The following DOCK11 variants were observed in gnomAD, a reference collection of about 807,000 sequenced individuals.
The protein encoded by DOCK11 is dedicator of cytokinesis 11, also known as dedicator of cytokinesis protein 11.
A neutral mutation model predicts 169.1 loss-of-function variants in DOCK11; 70 were observed. The observed-to-expected ratio is 0.41, with a 90% CI of 0.34 to 0.51. The LOEUF is 0.51. DOCK11 is among the 20% of genes least tolerant of loss of function. The pLI is 0.10. For synonymous variants in DOCK11, 529 were observed against 541.3 expected (o/e 0.98, Z 0.32); for missense variants, 1,166 against 1,538.8 (o/e 0.76, Z 4.05).
chrX:118,681,176 A>G lies in DOCK11; in HGVS notation c.5790A>G (p.Gln1930=), dbSNP rs2016734444. ...TAAAAGATAAAACTGCAGAGCTGCA[A>G]AAGCTTTGCTCCTCTACTGACGTGG... ...DEIKDKTAEL[Q]KLCSSTDVDM... The change falls in exon 50 of 53, where the codon CAA becomes CAG. Residue 1930 remains glutamine, a synonymous_variant. Coordinates refer to ENST00000276202, the MANE Select transcript of DOCK11 (RefSeq NM_144658.4). 1.7e-6 allele frequency: 2 copies of G among 1,207,709 alleles called. No homozygotes were observed. The highest frequency in any genetic ancestry group is 1.7e-5 in the African/African-American group (1 of 57,400).
Position 118,614,730 on chromosome X carries a change from T to C in DOCK11, c.3135T>C (p.Asn1045=). 8.3e-7 allele frequency: 1 copy of C among 1,198,897 alleles called. No individual in the cohort carries two copies. The highest frequency in any genetic ancestry group is 1.1e-6 in the Non-Finnish European group (1 of 885,893). The change falls in exon 29 of 53, where the codon AAT becomes AAC. Residue 1045 remains asparagine, a synonymous_variant. Coordinates refer to ENST00000276202, the MANE Select transcript of DOCK11 (RefSeq NM_144658.4). The part of the protein sequence containing the change: ...LTLMDRGFIF[N]LINDYISGFS... ...TAATGGATAGAGGATTTATTTTCAATTTAATAAATGACTATATATCTGGAT... is the reference window on the plus strand; with the variant it reads ...TAATGGATAGAGGATTTATTTTCAACTTAATAAATGACTATATATCTGGAT...
chrX:118,540,530 T>C (rs2011951415), intron 1 of DOCK11, among the ~76,000 whole-genome samples: 1 of 112,112 alleles, frequency 8.9e-6, no homozygotes, highest in African/African-American at 3.2e-5. Flanking sequence ...ATCAACTTGC[T>C]TTGATCTTTG....
At chrX:118,534,755 G>A (rs1028179815) in intron 1 of DOCK11, among the ~76,000 whole-genome samples, 1 of 111,985 alleles carries the variant, frequency 8.9e-6, no homozygotes, top group African/African-American at 3.2e-5. Flanking sequence ...CTATTTAGCT[G>A]GTTATCCCTA....
intron 1 of DOCK11, among the ~76,000 whole-genome samples, chrX:118,499,054 T>C (rs537408134): frequency 7.1e-5 from 8 of 112,392 alleles, no homozygotes; most frequent in African/African-American, 9.7e-5. Context: ...AGAATCATCA[T>C]TGACAGATTT....
intron 1 of DOCK11, among the ~76,000 whole-genome samples, chrX:118,521,198 C>T (rs1457140019): frequency 8.9e-6 from 1 of 112,434 alleles, no homozygotes; most frequent in East Asian, 2.8e-4. Context: ...CTGGTGTCCA[C>T]TTCTGAGTTG....
intron 32 of DOCK11, among the ~76,000 whole-genome samples, chrX:118,626,498 C>T (rs2015108431): frequency 2.7e-5 from 3 of 111,867 alleles, no homozygotes; most frequent in Admixed American, 1.9e-4. Flanking sequence ...AACTTCTGCC[C>T]CCATCCATGT....
intron 1 of DOCK11, among the ~76,000 whole-genome samples, chrX:118,529,935 G>A (rs936599752): frequency 1.8e-5 from 2 of 111,771 alleles, no homozygotes; most frequent in Non-Finnish European, 3.8e-5. Flanking sequence ...CAGATCACAA[G>A]GGATCTAATA....
At chrX:118,653,712 C>T (rs2016000883) in intron 42 of DOCK11, among the ~76,000 whole-genome samples, 1 of 111,950 alleles carries the variant, frequency 8.9e-6, no homozygotes, top group South Asian at 3.7e-4. Flanking sequence ...CTGCTCCCGG[C>T]CAAGAAGGCA....
chrX:118,580,397 A>G (rs2013589686), intron 14 of DOCK11, among the ~76,000 whole-genome samples: 1 of 107,040 alleles, frequency 9.3e-6, no homozygotes, highest in African/African-American at 3.4e-5. Flanking sequence ...GCTCACCACA[A>G]CCTCCGCCTC....
chrX:118,583,208 C>T (rs760178268), intron 14 of DOCK11, among the ~76,000 whole-genome samples: 49 of 111,036 alleles, frequency 4.4e-4, no homozygotes, highest in East Asian at 4.0e-3. Flanking sequence ...TGTTCTCACT[C>T]ATAGGTGGGA....
intron 4 of DOCK11, among the ~76,000 whole-genome samples, chrX:118,544,645 C>CTTGTTTTTTTTTTTTT (rs2012173230): frequency 4.3e-5 from 1 of 23,343 alleles, no homozygotes; most frequent in Non-Finnish European, 7.2e-5. Flanking sequence ...TACACTGTTG[C>CTTGTTTTTTTTTTTTT]TTTTTTTTTT....
intron 11 of DOCK11, among the ~76,000 whole-genome samples, chrX:118,573,397 A>G (rs141802608): frequency 0.016 from 1,777 of 112,537 alleles, 24 homozygotes; most frequent in Non-Finnish European, 0.023. Context: ...TATGAAATGT[A>G]TAGTCAAGTA....
At chrX:118,649,573 C>A (rs573458143) in intron 41 of DOCK11, among the ~76,000 whole-genome samples, 1 of 111,629 alleles carries the variant, frequency 9.0e-6, no homozygotes, top group East Asian at 2.8e-4. Context: ...GGCTGGAGTG[C>A]TGTGGCATGA....
intron 48 of DOCK11, among the ~76,000 whole-genome samples, chrX:118,679,643 G>A (rs1342889778): frequency 9.0e-6 from 1 of 111,184 alleles, no homozygotes; most frequent in Non-Finnish European, 1.9e-5. Flanking sequence ...GGAAGCTGAA[G>A]TGGGAGGATC....
chrX:118,567,167 A>G (rs969538325), intron 9 of DOCK11, among the ~76,000 whole-genome samples: 1 of 111,730 alleles, frequency 9.0e-6, no homozygotes, highest in South Asian at 3.7e-4. Flanking sequence ...CAGTTTTGAA[A>G]TTGTAGAGAT....
rs148838046 is a variant in DOCK11, at chrX:118,597,506, A to G, written c.2339A>G (p.Asn780Ser). Reference protein sequence around the residue: ...TFEQQLPVSANLPPGYLNLND... With the variant: ...TFEQQLPVSASLPPGYLNLND... ...GAGCAGCAGCTGCCAGTTTCCGCCA[A>G]TCTTCCCCCAGGCTACTTGAATCTG... Residue 780 changes from asparagine (N) to serine (S), a missense_variant, in exon 21 of 53, where the codon AAT (asparagine) becomes AGT (serine). Transcript: ENST00000276202. 3.7e-4 allele frequency: 449 copies of G among 1,209,860 alleles called. 2 individuals are homozygous for G. In the East Asian group the frequency reaches 0.012, roughly 33 times the overall value.
intron 24 of DOCK11, among the ~76,000 whole-genome samples, chrX:118,606,709 GTGT>G (rs1424643943): frequency 1.8e-5 from 2 of 111,973 alleles, no homozygotes; most frequent in African/African-American, 3.3e-5. Context: ...GTTGGGGATA[GTGT>G]TGTTGAAAAT....
chrX:118,577,360 A>G (rs1353981680), intron 12 of DOCK11, among the ~76,000 whole-genome samples: 1 of 112,050 alleles, frequency 8.9e-6, no homozygotes, highest in Non-Finnish European at 1.9e-5. Flanking sequence ...GGGTAATAGC[A>G]AGGTACCTGA....
chrX:118,624,555 T>C lies in DOCK11; in HGVS notation c.3488T>C (p.Ile1163Thr). ...RYQHKNQQAK[I>T]AQLYLPFVGL... The stretch of plus-strand genomic sequence containing the variant: ...ATTTTTCAGAACCAACAAGCCAAAA[T>C]AGCACAATTGTACCTCCCCTTTGTT... The change falls in exon 32 of 53, where the codon ATA becomes ACA. Residue 1163 changes from isoleucine to threonine, a missense_variant. By Grantham distance (89) the Ile-to-Thr change is moderately conservative (BLOSUM62 -1). Transcript: ENST00000276202. 1 of 1,204,227 alleles carries C rather than the reference T, an allele frequency of 8.3e-7. No individual in the cohort carries two copies. Among genetic ancestry groups the C allele is most frequent in the Non-Finnish European group, 1.1e-6 (1 of 889,795 alleles).
Sources: allele counts gnomAD v4.1 joint callset (sites outside exome capture counted in the v4.1 genomes callset), GRCh38; gene constraint gnomAD v4.1.1; transcripts MANE v1.5; gene names NCBI Gene and HGNC (gene_info 2026-07-23, HGNC 2026-07-21).